The following PRELID2 variants were observed in gnomAD, a reference collection of about 807,000 sequenced individuals.
The protein encoded by PRELID2 is PRELI domain containing 2.
Under a neutral mutation model 28.4 loss-of-function variants are expected in PRELID2, and 25 were observed. The observed-to-expected ratio is 0.88, with a 90% CI of 0.64 to 1.23. The LOEUF (loss-of-function observed/expected upper bound fraction) is 1.23. Among genes scored for constraint, PRELID2 ranks in the 50% most tolerant of loss-of-function variants. The pLI is 0.00. For synonymous variants in PRELID2, 76 were observed against 71.6 expected (o/e 1.06, Z -0.31); for missense variants, 201 against 214.4 (o/e 0.94, Z 0.39).
At chr5:145,416,362 G>A in the PRELID2 span, among the ~76,000 whole-genome samples, 1 of 151,972 alleles carries the variant, frequency 6.6e-6, no homozygotes, top group Non-Finnish European at 1.5e-5. Flanking sequence ...CACGGGCAAG[G>A]ACTTCATGTC....
intron 5 of PRELID2, among the ~76,000 whole-genome samples, chr5:145,789,776 G>T (rs1260632845): frequency 1.3e-5 from 2 of 151,970 alleles, no homozygotes; most frequent in African/African-American, 4.8e-5. Context: ...ATATACAAGG[G>T]ATTCAAACAA....
intron 1 of PRELID2, among the ~76,000 whole-genome samples, chr5:145,650,873 C>T (rs573042409): frequency 7.6e-4 from 115 of 152,184 alleles, no homozygotes; most frequent in African/African-American, 2.7e-3. Flanking sequence ...AACTGAGGTA[C>T]TGGGTTCATC....
chr5:145,545,961 T>C (rs1752783516), intron 1 of PRELID2, among the ~76,000 whole-genome samples: 2 of 152,168 alleles, frequency 1.3e-5, no homozygotes, highest in African/African-American at 2.4e-5. Context: ...GATCCAAATC[T>C]ATAGATAATC....
chr5:145,359,176 T>C, the PRELID2 span, among the ~76,000 whole-genome samples: 2 of 152,218 alleles, frequency 1.3e-5, no homozygotes, highest in Admixed American at 1.3e-4. Flanking sequence ...ATTAAGCCTG[T>C]GCTTGACAAA....
the PRELID2 span, among the ~76,000 whole-genome samples, chr5:145,372,804 G>C: frequency 6.8e-6 from 1 of 148,060 alleles, no homozygotes; most frequent in Non-Finnish European, 1.5e-5. Context: ...TAATTTGCCA[G>C]TCTGTACCTT....
the PRELID2 span, among the ~76,000 whole-genome samples, chr5:145,411,324 A>G: frequency 6.6e-6 from 1 of 152,132 alleles, no homozygotes; most frequent in Non-Finnish European, 1.5e-5. Flanking sequence ...ACAGCACAGG[A>G]AAGACATGCC....
intron 1 of PRELID2, among the ~76,000 whole-genome samples, chr5:145,721,590 T>C (rs894583071): frequency 2.6e-5 from 4 of 151,940 alleles, no homozygotes; most frequent in African/African-American, 9.7e-5. Context: ...AGTGACAGAG[T>C]ATAGATCAAA....
intron 1 of PRELID2, among the ~76,000 whole-genome samples, chr5:145,508,104 G>C (rs1561496100): frequency 6.6e-6 from 1 of 152,092 alleles, no homozygotes; most frequent in African/African-American, 2.4e-5. Flanking sequence ...AATAGTATAA[G>C]AAAACAGTCA....
chr5:145,331,191 C>G, the PRELID2 span, among the ~76,000 whole-genome samples: 2 of 151,826 alleles, frequency 1.3e-5, no homozygotes, highest in Admixed American at 6.6e-5. Context: ...GTTTTACTTC[C>G]AATTATATGG....
chr5:145,298,486 C>G, the PRELID2 span, among the ~76,000 whole-genome samples: 2 of 152,182 alleles, frequency 1.3e-5, no homozygotes, highest in Non-Finnish European at 2.9e-5. Flanking sequence ...GGATTAAAGA[C>G]TTAAACATTG....
At chr5:145,418,627 A>C in the PRELID2 span, among the ~76,000 whole-genome samples, 2 of 152,320 alleles carry the variant, frequency 1.3e-5, no homozygotes, top group South Asian at 4.1e-4. Context: ...CCTGACAAAA[A>C]CAACCAATGG....
intron 1 of PRELID2, among the ~76,000 whole-genome samples, chr5:145,552,630 G>A (rs976449922): frequency 2.6e-5 from 4 of 151,910 alleles, no homozygotes; most frequent in African/African-American, 9.7e-5. Flanking sequence ...AAGGAAAAAA[G>A]AAAAACATCT....
intron 1 of PRELID2, among the ~76,000 whole-genome samples, chr5:145,674,224 G>T (rs1407717777): frequency 6.6e-6 from 1 of 152,062 alleles, no homozygotes; most frequent in African/African-American, 2.4e-5. Flanking sequence ...GGTTTGTTAT[G>T]TATGTATACA....
the PRELID2 span, among the ~76,000 whole-genome samples, chr5:145,444,771 C>T: frequency 6.6e-6 from 1 of 151,964 alleles, no homozygotes; most frequent in African/African-American, 2.4e-5. Context: ...GCCCGTTCGT[C>T]CACTTATTTC....
the PRELID2 span, chr5:145,230,056 C>A: frequency 8.8e-6 from 6 of 684,372 alleles, no homozygotes; most frequent in Middle Eastern, 4.3e-4. Flanking sequence ...GCCAGATAGA[C>A]CCCTGTACCA....
intron 5 of PRELID2, among the ~76,000 whole-genome samples, chr5:145,784,526 CAATAAGCATGAAAGGTCTTAGCTCAGA>C (rs1751857671): frequency 6.6e-6 from 1 of 151,964 alleles, no homozygotes. Flanking sequence ...GAAAATTTGG[CAATAAGCATGAAAGGTCTTAGCTCAGA>C]AAGCAACAAG....
intron 1 of PRELID2, among the ~76,000 whole-genome samples, chr5:145,643,703 T>C (rs1220342515): frequency 6.6e-6 from 1 of 152,198 alleles, no homozygotes; most frequent in Non-Finnish European, 1.5e-5. Context: ...ACCTAGTTTT[T>C]TGAGAGTTTT....
At chr5:145,796,617 T>C in intron 4 of PRELID2, 70 bp from the exon 5 acceptor site, 1 of 848,774 alleles carries the variant, frequency 1.2e-6, no homozygotes, top group Admixed American at 2.4e-5. Context: ...CAGACATTTC[T>C]AGCTGCATAA....
intron 4 of PRELID2, among the ~76,000 whole-genome samples, chr5:145,817,190 C>CAAAAA (rs1246315266): frequency 2.3e-4 from 10 of 42,662 alleles, no homozygotes; most frequent in African/African-American, 5.9e-4. Context: ...GACTGCATTT[C>CAAAAA]AAAAAAAAAT....
Sources: gnomAD v4.1 joint callset for allele counts (sites outside exome capture counted in the v4.1 genomes callset) on GRCh38, gnomAD v4.1.1 for gene constraint, MANE v1.5 for transcripts, NCBI Gene and HGNC (gene_info 2026-07-23, HGNC 2026-07-21) for gene names.